The following NETO1 variants were observed in gnomAD, a reference collection of about 807,000 sequenced individuals.
The protein encoded by NETO1 is neuropilin and tolloid-like protein 1.
In NETO1, 26 loss-of-function variants were observed where a neutral mutation model predicts 61.3. The observed-to-expected ratio is 0.42, with a 90% CI of 0.31 to 0.59. NETO1 has a LOEUF of 0.59. Among genes scored for constraint, NETO1 ranks in the 20% least tolerant of loss-of-function variants. The probability of loss-of-function intolerance (pLI) is 0.12; values close to 1 mark genes in which losing one functional copy is unlikely to be tolerated. For missense variants in NETO1, 531 were observed against 662.8 expected, an observed-to-expected ratio of 0.80 and a Z score of 2.18; for synonymous variants, 225 against 225.8, an observed-to-expected ratio of 1.00 and a Z score of 0.03.
At chr18:72,811,143 G>A (rs561830699) in intron 4 of NETO1, among the ~76,000 whole-genome samples, 8 of 152,136 alleles carry the variant, frequency 5.3e-5, no homozygotes, top group South Asian at 2.1e-4. Context: ...AGTACTCACC[G>A]TCTCCATGCC....
intron 1 of NETO1, chr18:72,866,732 G>C (rs2074745023): frequency 1.0e-6 from 1 of 987,736 alleles, no homozygotes; most frequent in Non-Finnish European, 1.2e-6. Flanking sequence ...TACACTGCCC[G>C]CGTTACCACA....
At chr18:72,841,589 C>G (rs1168370092) in intron 4 of NETO1, among the ~76,000 whole-genome samples, 1 of 151,808 alleles carries the variant, frequency 6.6e-6, no homozygotes, top group East Asian at 1.9e-4. Context: ...AAATAATCAG[C>G]CGGGCATGGT....
Position 72,794,257 on chromosome 18 carries a change from A to T in NETO1, c.512-13T>A, listed in dbSNP as rs1435716077. On this transcript the variant is annotated splice_polypyrimidine_tract_variant and intron_variant, in intron 5 of 10. Transcript: ENST00000327305. ...TCAAACTCACACGCTAAATAACAAA[A>T]TGCCAAACAAACACACAAAAACGGA... 1.2e-6 allele frequency: 2 copies of T among 1,614,082 alleles called. No individual in the cohort carries two copies. The highest frequency in any genetic ancestry group is 2.7e-5 in the African/African-American group (2 of 74,944).
chr18:72,837,698 A>G (rs1005063965), intron 4 of NETO1, among the ~76,000 whole-genome samples: 3 of 152,156 alleles, frequency 2.0e-5, no homozygotes, highest in African/African-American at 7.2e-5. Flanking sequence ...ATATTACTTT[A>G]TTTCCAATTA....
At chr18:72,796,808 A>T (rs1336472361) in intron 4 of NETO1, among the ~76,000 whole-genome samples, 1 of 152,186 alleles carries the variant, frequency 6.6e-6, no homozygotes, top group East Asian at 1.9e-4. Context: ...AGGAAAAAAA[A>T]ACTGTAAGCA....
chr18:72,817,803 C>G (rs73471855), intron 4 of NETO1, among the ~76,000 whole-genome samples: 19,149 of 152,262 alleles, frequency 0.13, 1,334 homozygotes, highest in Middle Eastern at 0.22. Flanking sequence ...TTCTGTCTGT[C>G]TCTCAGACCT....
chr18:72,790,497 G>C (rs1238467662), intron 6 of NETO1, among the ~76,000 whole-genome samples: 1 of 152,018 alleles, frequency 6.6e-6, no homozygotes, highest in Non-Finnish European at 1.5e-5. Context: ...ACTTATCATA[G>C]ATTCATTAAA....
rs1004779376 is a variant in NETO1 at position 72,745,385 on chromosome 18, T to G, written c.*2794A>C. On this transcript the variant is annotated 3_prime_UTR_variant, in exon 11 of 11. Transcript: ENST00000327305. ...GCATGTGATTATATGCTACCATTAT[T>G]TTGAAAAGTGAATGAAAACTTGAAA... is the stretch of plus-strand genomic sequence containing the variant. 4.6e-5 allele frequency: 7 copies of G among 152,310 alleles called. No individual in the cohort carries two copies. The East Asian group carries it at 1.4e-3, about 29-fold the overall frequency. 9.4% of individuals were successfully genotyped at this position (152,310 alleles called of 1,614,324 possible). A position where few individuals can be genotyped will look rare whatever the true frequency, so the allele number is the denominator to read the frequency against.
chr18:72,743,186 C>G (rs555369392), downstream of NETO1, among the ~76,000 whole-genome samples: 1 of 152,126 alleles, frequency 6.6e-6, no homozygotes, highest in Non-Finnish European at 1.5e-5. Context: ...GATGTAAACT[C>G]AAACCTACTC....
rs2145242646 is a variant in NETO1 at position 72,815,354 on chromosome 18, G to A, written c.470-20950C>T. Among the ~76,000 whole-genome samples, 2 of 152,208 alleles carry A rather than the reference G, an allele frequency of 1.3e-5. 1 individual carries two copies. The highest frequency in any genetic ancestry group is 4.1e-4 in the South Asian group (2 of 4,822). Reference sequence around the variant, plus strand: ...TTCAACCTCCACATGACACCAGAGTGAGAATAAAAAGGTAAGCCACACACT... The same window carrying A: ...TTCAACCTCCACATGACACCAGAGTAAGAATAAAAAGGTAAGCCACACACT... On this transcript the variant is annotated intron_variant, in intron 4 of 10. Coordinates refer to ENST00000327305, the MANE Select transcript of NETO1 (RefSeq NM_138966.5).
At chr18:72,810,059 G>A (rs1328420595) in intron 4 of NETO1, among the ~76,000 whole-genome samples, 2 of 152,172 alleles carry the variant, frequency 1.3e-5, no homozygotes, top group Non-Finnish European at 2.9e-5. Context: ...GTCACTGTTT[G>A]CAATTTAAGA....
intron 7 of NETO1, among the ~76,000 whole-genome samples, chr18:72,766,366 A>G (rs1355999545): frequency 6.6e-6 from 1 of 151,970 alleles, no homozygotes; most frequent in African/African-American, 2.4e-5. Flanking sequence ...TTTTTTTCCA[A>G]AACAAATGGA....
rs2074761023 is a variant in NETO1 at position 72,867,080 on chromosome 18, G to A, written c.28+184C>T. The stretch of plus-strand genomic sequence containing the variant: ...TTGGGATCCGGCGACGGCTGACCGC[G>A]CGCCGCCCCCACGCCCGGTTCCACG... On this transcript the variant is annotated intron_variant, in intron 1 of 10. Transcript: ENST00000327305. The A allele has an allele frequency of 1.7e-5, 8 of 479,862 alleles. No homozygotes were observed. In the East Asian group the frequency reaches 1.8e-4, roughly 11 times the overall value. 29.7% of individuals were successfully genotyped at this position (479,862 alleles called of 1,614,324 possible).
Position 72,745,151 on chromosome 18 carries a change from CAGCCACAT to C in NETO1, c.*3020_*3027del. 6.6e-6 allele frequency: 1 copy of C among 152,302 alleles called. No individual in the cohort carries two copies. The highest frequency in any genetic ancestry group is 1.9e-4 in the East Asian group (1 of 5,188). 9.4% of individuals were successfully genotyped at this position (152,302 alleles called of 1,614,324 possible). A position where few individuals can be genotyped will look rare whatever the true frequency, so the allele number is the denominator to read the frequency against. On this transcript the variant is annotated 3_prime_UTR_variant, in exon 11 of 11. Coordinates refer to ENST00000327305, the MANE Select transcript of NETO1 (RefSeq NM_138966.5). ...AGACACTGATCTCCAATTATGTGGA[CAGCCACAT>C]TTTGGTTACAAAATCAAATTCAAGT...
chr18:72,865,422 G>A (rs1056597389), intron 1 of NETO1, 181 bp from the exon 2 acceptor site: 4 of 1,103,238 alleles, frequency 3.6e-6, no homozygotes, highest in African/African-American at 1.6e-5. Context: ...GGAAACCTTG[G>A]GACTCCCTTA....
rs1286794485 is a variant in NETO1 at position 72,745,597 on chromosome 18, CTA to C, written c.*2580_*2581del. 1 of 152,144 alleles carries C rather than the reference CTA, an allele frequency of 6.6e-6. No individual in the cohort carries two copies. The highest frequency in any genetic ancestry group is 1.5e-5 in the Non-Finnish European group (1 of 68,014). 9.4% of individuals were successfully genotyped at this position (152,144 alleles called of 1,614,324 possible). A position where few individuals can be genotyped will look rare whatever the true frequency, so the allele number is the denominator to read the frequency against. Reference sequence around the variant, plus strand: ...AGTCTTGAGACATCTCATTCCTTATCTATGTGTGTCACCACCTTTAGAATGTG... The same window carrying C: ...AGTCTTGAGACATCTCATTCCTTATCTGTGTGTCACCACCTTTAGAATGTG... On this transcript the variant is annotated 3_prime_UTR_variant, in exon 11 of 11. Coordinates refer to ENST00000327305, the MANE Select transcript of NETO1 (RefSeq NM_138966.5).
At chr18:72,867,048 G>A (rs2074759343) in intron 1 of NETO1, 1 of 465,974 alleles carries the variant, frequency 2.1e-6, no homozygotes, top group African/African-American at 2.0e-5. Flanking sequence ...CCGTTCTCCG[G>A]CAGGTTTTGG....
rs2072082910 is a variant in NETO1, at chr18:72,790,635, A to C, written c.639+3482T>G. 2.0e-5 allele frequency among the ~76,000 whole-genome samples: 3 copies of C among 152,142 alleles called. No homozygotes were observed. The South Asian group carries it at 6.2e-4, about 32-fold the overall frequency. ...AAATCTCATTCAATCTCTGTTATTA[A>C]AATAAAAGGCTTCTCTGTGTTACAT... On this transcript the variant is annotated intron_variant, in intron 6 of 10. Coordinates refer to ENST00000327305, the MANE Select transcript of NETO1 (RefSeq NM_138966.5).
chr18:72,866,771 A>C, intron 1 of NETO1: 5 of 992,462 alleles, frequency 5.0e-6, no homozygotes, highest in Non-Finnish European at 6.0e-6. Flanking sequence ...AGCGGTCTCC[A>C]GGGCGGAAAG....
Sources: allele counts gnomAD v4.1 joint callset (sites outside exome capture counted in the v4.1 genomes callset), GRCh38; gene constraint gnomAD v4.1.1; transcripts MANE v1.5; gene names NCBI Gene and HGNC (gene_info 2026-07-23, HGNC 2026-07-21).